SSC5D: variants seen among roughly 807,000 people sequenced by gnomAD.
The protein encoded by SSC5D is soluble scavenger receptor cysteine-rich domain-containing protein SSC5D.
In SSC5D, 106 loss-of-function variants were observed where a neutral mutation model predicts 104.6. That is an observed-to-expected ratio of 1.01 (90% CI 0.87 to 1.19). The LOEUF is 1.19. Among genes scored for constraint, SSC5D ranks in the 50% most tolerant of loss-of-function variants. The pLI is 0.00. For missense variants in SSC5D, 1,993 were observed against 2,153.8 expected, an observed-to-expected ratio of 0.93 and a Z score of 1.48; for synonymous variants, 860 against 883.5, an observed-to-expected ratio of 0.97 and a Z score of 0.47.
At chr19:55,506,946 C>T (rs922333953) in intron 12 of SSC5D, among the ~76,000 whole-genome samples, 5 of 151,830 alleles carry the variant, frequency 3.3e-5, no homozygotes, top group South Asian at 2.1e-4. Context: ...GCAGAGGGAT[C>T]GCTTGAACCC....
In SSC5D at chr19:55,518,151, C is replaced by A; in HGVS notation, c.3875C>A (p.Thr1292Asn). 7.0e-7 allele frequency: 1 copy of A among 1,435,216 alleles called. No homozygotes were observed. 88.9% of individuals were successfully genotyped at this position (1,435,216 alleles called of 1,614,324 possible). ...HPTTTPHPTTTPHPTTTPHPT... is the reference protein window; with the variant it reads ...HPTTTPHPTTNPHPTTTPHPT... ...ACCACGACTCCTCACCCCACCACAACCCCTCACCCCACCACAACCCCTCAC... is the reference window on the plus strand; with the variant it reads ...ACCACGACTCCTCACCCCACCACAAACCCTCACCCCACCACAACCCCTCAC... Residue 1292 changes from threonine to asparagine, a missense_variant, in exon 14 of 14, where the codon ACC (threonine) becomes AAC (asparagine). Physicochemically the swap from Thr to Asn is moderately conservative, Grantham distance 65 (BLOSUM62 0). Around this residue, in one of 6 missense-constraint regions of SSC5D, gnomAD observed 349 missense variants for 397.6 expected, o/e 0.88. Transcript: ENST00000389623.
chr19:55,516,671 A>T (rs1304822438), intron 13 of SSC5D, among the ~76,000 whole-genome samples: 1 of 152,094 alleles, frequency 6.6e-6, no homozygotes, highest in Admixed American at 6.5e-5. Context: ...TGAGCCCAGG[A>T]GTTCGAGGTT....
In SSC5D at chr19:55,489,019, G is replaced by A; in HGVS notation, c.39G>A (p.Gly13=). The change falls in exon 2 of 14, where the codon GGG becomes GGA. Residue 13 remains glycine (G), a synonymous_variant. Transcript: ENST00000389623. ...CCTCCCTTCCAGCGGCCCTGGTGGG[G>A]ATCCAGGCTGTTGGTAAGTGCCCAG... ...VLACLLAALV[G]IQAVERLRLA... The A allele has an allele frequency of 6.7e-7, 1 of 1,498,658 alleles. No individual in the cohort carries two copies. The highest frequency in any genetic ancestry group is 8.9e-7 in the Non-Finnish European group (1 of 1,124,558). The allele number at this position is 1,498,658 out of a possible 1,614,324, so 92.8% of individuals were successfully genotyped here.
In SSC5D at chr19:55,490,762, C is replaced by T. The variant is rs1378356057; in HGVS notation, c.587-10C>T. The T allele has an allele frequency of 6.7e-7, 1 of 1,497,814 alleles. No individual in the cohort carries two copies. The highest frequency in any genetic ancestry group is 8.9e-7 in the Non-Finnish European group (1 of 1,127,626). The allele number at this position is 1,497,814 out of a possible 1,614,324, so 92.8% of individuals were successfully genotyped here. A position where few individuals can be genotyped will look rare whatever the true frequency, so the allele number is the denominator to read the frequency against. On this transcript the variant is annotated splice_polypyrimidine_tract_variant and intron_variant, in intron 5 of 13. Coordinates refer to ENST00000389623, the MANE Select transcript of SSC5D (RefSeq NM_001144950.2). ...CTGGCCACACCGTCCCCTCCCTGCTCACCCCACAGAGCGGCTGCGCCTGGT... is the reference window on the plus strand; with the variant it reads ...CTGGCCACACCGTCCCCTCCCTGCTTACCCCACAGAGCGGCTGCGCCTGGT...
intron 12 of SSC5D, among the ~76,000 whole-genome samples, chr19:55,501,917 C>A (rs1047353167): frequency 6.6e-6 from 1 of 152,060 alleles, no homozygotes; most frequent in African/African-American, 2.4e-5. Flanking sequence ...CCATTTCTCA[C>A]CCTCATCATC....
chr19:55,505,128 G>C (rs1375847249), intron 12 of SSC5D, among the ~76,000 whole-genome samples: 1 of 151,708 alleles, frequency 6.6e-6, no homozygotes, highest in Non-Finnish European at 1.5e-5. Context: ...GTGACTGCAG[G>C]CCCCAATTCA....
At chr19:55,497,531 T>C (rs971764219) in intron 8 of SSC5D, among the ~76,000 whole-genome samples, 7 of 152,238 alleles carry the variant, frequency 4.6e-5, no homozygotes, top group Non-Finnish European at 7.3e-5. Context: ...CTACTGTGAA[T>C]GGTGCTGCTA....
intron 12 of SSC5D, among the ~76,000 whole-genome samples, chr19:55,511,774 G>A (rs978105871): frequency 1.3e-5 from 2 of 152,164 alleles, no homozygotes; most frequent in South Asian, 2.1e-4. Context: ...TCTGTGGGCC[G>A]TGGGGACTCA....
intron 8 of SSC5D, among the ~76,000 whole-genome samples, chr19:55,495,901 ATT>A (rs36109915): frequency 0.021 from 2,106 of 98,698 alleles, 14 homozygotes; most frequent in Middle Eastern, 0.066. Flanking sequence ...GAGCCTGGCT[ATT>A]TTTTTTTTTT....
At chr19:55,507,834 G>A (rs1039263452) in intron 12 of SSC5D, among the ~76,000 whole-genome samples, 3 of 152,074 alleles carry the variant, frequency 2.0e-5, no homozygotes, top group East Asian at 3.9e-4. Flanking sequence ...CGGTGGCAGC[G>A]GGGGAGATGG....
At chr19:55,495,247 T>A (rs1172155069) in intron 8 of SSC5D, among the ~76,000 whole-genome samples, 565 of 38,438 alleles carry the variant, frequency 0.015, 55 homozygotes, top group African/African-American at 0.045. Context: ...TTTTTTTTTT[T>A]TTTTTTTTTT....
intron 12 of SSC5D, chr19:55,504,273 G>T (rs907150199): frequency 6.7e-7 from 1 of 1,499,074 alleles, no homozygotes; most frequent in Non-Finnish European, 8.9e-7. Context: ...GACCCCTCCC[G>T]TAGGGTAGGG....
chr19:55,489,280 G>A lies in SSC5D; in HGVS notation c.53-74G>A. The A allele has an allele frequency of 2.2e-6, 3 of 1,390,648 alleles. No homozygotes were observed. In the South Asian group the frequency reaches 4.7e-5, roughly 22 times the overall value. 86.1% of individuals were successfully genotyped at this position (1,390,648 alleles called of 1,614,324 possible). A position where few individuals can be genotyped will look rare whatever the true frequency, so the allele number is the denominator to read the frequency against. On this transcript the variant is annotated intron_variant, in intron 2 of 13. Coordinates refer to ENST00000389623, the MANE Select transcript of SSC5D (RefSeq NM_001144950.2). ...GACAGTACCTGCAGGACAGCCACCT[G>A]CCCCTACAGTTGCCCTGGCCTTGGG...
rs1427108928 is a variant in SSC5D, at chr19:55,488,986, C to T, written c.26-20C>T. The stretch of plus-strand genomic sequence containing the variant: ...CCGGCCTGCCCCTCACACTGCCCCA[C>T]CCTCCGCCCTCCCTTCCAGCGGCCC... On this transcript the variant is annotated intron_variant, in intron 1 of 13. Transcript: ENST00000389623. 1.6e-5 allele frequency: 24 copies of T among 1,528,952 alleles called. No homozygotes were observed. The African/African-American group carries it at 1.7e-4, about 11-fold the overall frequency. The allele number at this position is 1,528,952 out of a possible 1,614,324, so 94.7% of individuals were successfully genotyped here.
At position 55,494,622 on chromosome 19, in the gene SSC5D, G is replaced by A; in HGVS notation, c.1226G>A (p.Gly409Asp). The A allele has an allele frequency of 1.3e-6, 2 of 1,540,132 alleles. No individual in the cohort carries two copies. The highest frequency in any genetic ancestry group is 1.8e-6 in the Non-Finnish European group (2 of 1,140,466). ...CCCTGCTCCACAGGCATGCCCCTGG[G>A]CTACGTCCCTCCCACGGCCCCCACG... ...AGAVCDGMPLGYVPPTAPTDS... is the reference protein window; with the variant it reads ...AGAVCDGMPLDYVPPTAPTDS... The change falls in exon 8 of 14, where the codon GGC becomes GAC. Residue 409 changes from glycine (G) to aspartate (D), a missense_variant. Coordinates refer to ENST00000389623, the MANE Select transcript of SSC5D (RefSeq NM_001144950.2).
chr19:55,489,165 G>C, intron 2 of SSC5D, 133 bp downstream of exon 2: 1 of 927,228 alleles, frequency 1.1e-6, no homozygotes, highest in Non-Finnish European at 1.5e-6. Flanking sequence ...CCCCAGCTCC[G>C]CAAGGGAATC....
rs768600956 is a variant in SSC5D, at chr19:55,500,227, G to C, written c.2117G>C (p.Arg706Pro). 3.9e-6 allele frequency: 6 copies of C among 1,551,084 alleles called. No individual in the cohort carries two copies. In the African/African-American group the frequency reaches 8.2e-5, roughly 21 times the overall value. ...TTATLTPQAP[R>P]ERTTKTMAML... is the part of the protein sequence containing the mutation. Reference sequence around the variant, plus strand: ...GCCACGCTGACCCCTCAGGCCCCCCGAGAACGGACCACTAAGACCATGGCA... The same window carrying C: ...GCCACGCTGACCCCTCAGGCCCCCCCAGAACGGACCACTAAGACCATGGCA... Residue 706 changes from arginine (R) to proline (P), a missense_variant, in exon 10 of 14, where the codon CGA (arginine) becomes CCA (proline). Arg to Pro is a moderately radical substitution (Grantham distance 103). This residue lies in a region of SSC5D where 1,101 missense variants were observed against 1,085.0 expected (regional missense o/e 1.01). Coordinates refer to ENST00000389623, the MANE Select transcript of SSC5D (RefSeq NM_001144950.2). The surrounding 1 kb of genome is among the most constrained non-coding windows in gnomAD (Gnocchi z 4.6).
chr19:55,491,572 G>A (rs1252689257), intron 6 of SSC5D: 1 of 160,362 alleles, frequency 6.2e-6, no homozygotes, highest in Non-Finnish European at 1.4e-5. Context: ...GGCATGGAGG[G>A]AGACTGAGGC....
chr19:55,498,903 G>A (rs1001872108), intron 9 of SSC5D, among the ~76,000 whole-genome samples: 6 of 152,196 alleles, frequency 3.9e-5, no homozygotes, highest in Admixed American at 3.3e-4. Context: ...ATCAGCCAAG[G>A]GAAGAGGCGC....
Sources: gnomAD v4.1 joint callset for allele counts (sites outside exome capture counted in the v4.1 genomes callset) on GRCh38, gnomAD v4.1.1 for gene constraint, gnomAD v4.1.1 regional missense constraint, Gnocchi (gnomAD v3.1) non-coding constraint, MANE v1.5 for transcripts, NCBI Gene and HGNC (gene_info 2026-07-23, HGNC 2026-07-21) for gene names.